Variants in CORO7 observed in about 807,000 individuals in gnomAD.
CORO7 encodes the protein coronin-7.
CORO7 carries 107 observed loss-of-function variants against 126.6 expected under a neutral mutation model. The ratio of observed to expected loss-of-function variants is 0.85; its 90% CI spans 0.72 to 0.99. The LOEUF (loss-of-function observed/expected upper bound fraction) is 0.99, where lower values mean the gene tolerates loss of function less well. Among genes scored for constraint, CORO7 ranks in the 50% least tolerant of loss-of-function variants. The pLI is 0.00. For missense variants in CORO7, 1,314 were observed against 1,255.8 expected, an observed-to-expected ratio of 1.05 and a Z score of -0.70; for synonymous variants, 603 against 536.8, an observed-to-expected ratio of 1.12 and a Z score of -1.70.
At chr16:4,413,647 C>T (rs1275337102) in intron 1 of CORO7, among the ~76,000 whole-genome samples, 1 of 152,036 alleles carries the variant, frequency 6.6e-6, no homozygotes, top group Non-Finnish European at 1.5e-5. Flanking sequence ...AAGTGATCCT[C>T]CTGCCTCAGC....
At position 4,360,933 on chromosome 16, in the gene CORO7, G is replaced by A; in HGVS notation, c.1917+10C>T. ...CCACACTGCTGGCCCCACCTCTGCA[G>A]CCGTCCTACCTGGTCTTGGTGGCCC... is the stretch of plus-strand genomic sequence containing the variant. On this transcript the variant is annotated intron_variant, in intron 19 of 27. Coordinates refer to ENST00000251166, the MANE Select transcript of CORO7 (RefSeq NM_024535.5). 1.2e-6 allele frequency: 2 copies of A among 1,609,046 alleles called. No homozygotes were observed. The highest frequency in any genetic ancestry group is 1.7e-6 in the Non-Finnish European group (2 of 1,179,906).
intron 21 of CORO7, 30 bp downstream of exon 21, chr16:4,360,248 G>A (rs970349173): frequency 2.5e-5 from 40 of 1,613,088 alleles, no homozygotes; most frequent in Non-Finnish European, 3.1e-5. Flanking sequence ...GGCTTCTGAA[G>A]CCTGGGGATG....
At chr16:4,381,976 G>A (rs771516631) in intron 9 of CORO7, 5 of 1,607,922 alleles carry the variant, frequency 3.1e-6, no homozygotes, top group African/African-American at 2.7e-5. Flanking sequence ...CGTGGTGCGG[G>A]AGCCCACAGC....
rs2056080939 is a variant in CORO7 at position 4,408,239 on chromosome 16, T to G, written c.245A>C (p.Asp82Ala). The G allele has an allele frequency of 6.2e-7, 1 of 1,614,052 alleles. No homozygotes were observed. Among genetic ancestry groups the G allele is most frequent in the South Asian group, 1.1e-5 (1 of 91,080 alleles). Reference sequence around the variant, plus strand: ...GTCATCAAAGGGCGAGAAGTCCAAGTCGGTGACTAGGTCTGTGGGAGAGGA... The same window carrying G: ...GTCATCAAAGGGCGAGAAGTCCAAGGCGGTGACTAGGTCTGTGGGAGAGGA... ...HLGCHSDLVTDLDFSPFDDFL... is the reference protein window; with the variant it reads ...HLGCHSDLVTALDFSPFDDFL... Residue 82 changes from aspartate (D) to alanine (A), a missense_variant, in exon 4 of 28, where the codon GAC becomes GCC. Coordinates refer to ENST00000251166, the MANE Select transcript of CORO7 (RefSeq NM_024535.5).
At chr16:4,361,122 G>C (rs537700517) in intron 18 of CORO7, 37 bp from the exon 19 acceptor site, 2 of 1,613,330 alleles carry the variant, frequency 1.2e-6, no homozygotes, top group Non-Finnish European at 1.7e-6. Flanking sequence ...GCCCTTGGGA[G>C]ACACTGGCCA....
intron 9 of CORO7, among the ~76,000 whole-genome samples, chr16:4,373,029 G>C (rs1288851592): frequency 6.6e-6 from 1 of 152,160 alleles, no homozygotes; most frequent in Non-Finnish European, 1.5e-5. Context: ...GGGCATAGAG[G>C]GGTGGCCGGG....
chr16:4,373,944 T>C (rs976627208), intron 9 of CORO7, among the ~76,000 whole-genome samples: 1 of 152,142 alleles, frequency 6.6e-6, no homozygotes, highest in African/African-American at 2.4e-5. Context: ...ACTCTGTTAG[T>C]GACCTCTCCT....
intron 9 of CORO7, among the ~76,000 whole-genome samples, chr16:4,379,324 G>A (rs183274071): frequency 2.8e-4 from 42 of 152,198 alleles, no homozygotes; most frequent in African/African-American, 9.9e-4. Context: ...CCAAAGTGGG[G>A]AGGGCTCTTC....
chr16:4,403,727 C>T (rs904679243), intron 6 of CORO7, among the ~76,000 whole-genome samples: 3 of 152,166 alleles, frequency 2.0e-5, no homozygotes, highest in Admixed American at 6.5e-5. Flanking sequence ...AAATAGGGCT[C>T]GGACCCCCAG....
intron 6 of CORO7, 119 bp downstream of exon 6, chr16:4,405,372 A>G: frequency 1.7e-6 from 2 of 1,162,942 alleles, no homozygotes; most frequent in South Asian, 3.4e-5. Flanking sequence ...ACAGATGACC[A>G]TCCTGACCTC....
chr16:4,376,929 C>T (rs1040641858), intron 9 of CORO7, among the ~76,000 whole-genome samples: 1 of 152,198 alleles, frequency 6.6e-6, no homozygotes, highest in African/African-American at 2.4e-5. Context: ...AGGGGGCAGG[C>T]AGAGTTCTGC....
intron 23 of CORO7, 57 bp from the exon 24 acceptor site, chr16:4,358,540 C>A: frequency 6.7e-7 from 1 of 1,502,520 alleles, no homozygotes; most frequent in African/African-American, 1.4e-5. Flanking sequence ...TGGCTGGGCA[C>A]GTAGTCTCCC....
In CORO7 at chr16:4,362,652, G is replaced by A. The variant is rs752950974; in HGVS notation, c.1362C>T (p.Ile454=). The part of the protein sequence containing the change: ...LGPSLSSTSG[I]GTSPSLRSLQ... Reference sequence around the variant, plus strand: ...GCGACCTCAAACTGGGGCTGGTCCCGATGCCACTGGTGCTGGAGAGTGAGG... The same window carrying A: ...GCGACCTCAAACTGGGGCTGGTCCCAATGCCACTGGTGCTGGAGAGTGAGG... The change falls in exon 15 of 28, where the codon ATC becomes ATT. Residue 454 remains isoleucine (I), a synonymous_variant. Coordinates refer to ENST00000251166, the MANE Select transcript of CORO7 (RefSeq NM_024535.5). The surrounding 1 kb of genome is among the most constrained non-coding windows in gnomAD (Gnocchi z 5.3). 2.8e-5 allele frequency: 43 copies of A among 1,553,680 alleles called. No homozygotes were observed. The highest frequency in any genetic ancestry group is 1.3e-4 in the South Asian group (11 of 83,420).
chr16:4,405,596 C>T (rs142375319), intron 5 of CORO7, 29 bp from the exon 6 acceptor site: 36,190 of 1,604,548 alleles, frequency 0.023, 652 homozygotes, highest in Admixed American at 0.095. Context: ...AGTCAGGTCC[C>T]GGGCAGTGAG....
At chr16:4,383,169 G>A (rs1001600891) in intron 9 of CORO7, 5 of 429,154 alleles carry the variant, frequency 1.2e-5, no homozygotes, top group Non-Finnish European at 2.1e-5. Context: ...CAGTCCCTGG[G>A]CACGGCGGGC....
chr16:4,384,112 A>C (rs957297232), intron 9 of CORO7, among the ~76,000 whole-genome samples: 8 of 152,268 alleles, frequency 5.3e-5, no homozygotes, highest in African/African-American at 1.9e-4. Context: ...GTGAATCATC[A>C]AAGGCAGGGA....
At chr16:4,412,075 A>G (rs759180145) in intron 3 of CORO7, among the ~76,000 whole-genome samples, 11 of 152,122 alleles carry the variant, frequency 7.2e-5, no homozygotes, top group Non-Finnish European at 1.5e-4. Context: ...CGGCAGGGAC[A>G]GGGAGCCAGC....
intron 26 of CORO7, chr16:4,355,748 CG>C (rs973232476): frequency 1.2e-4 from 25 of 205,430 alleles, no homozygotes; most frequent in Non-Finnish European, 2.1e-4. Context: ...GGATTACAGG[CG>C]TGAGCCACAG....
Position 4,361,129 on chromosome 16 carries a change from G to A in CORO7, c.1774+33C>T, listed in dbSNP as rs200126865. On this transcript the variant is annotated intron_variant, in intron 18 of 27. Transcript: ENST00000251166. ...GATCAGGAGCCCTTGGGAGACACTG[G>A]CCACCCCAGCCCCATTCCTGAGCCT... The A allele has an allele frequency of 1.2e-3, 1,933 of 1,613,094 alleles. 1 individual carries two copies. The highest frequency in any genetic ancestry group is 1.5e-3 in the Non-Finnish European group (1,826 of 1,179,978).
Sources: gnomAD v4.1 joint callset for allele counts (sites outside exome capture counted in the v4.1 genomes callset) on GRCh38, gnomAD v4.1.1 for gene constraint, Gnocchi (gnomAD v3.1) non-coding constraint, MANE v1.5 for transcripts, NCBI Gene and HGNC (gene_info 2026-07-23, HGNC 2026-07-21) for gene names.